WWTR1: variants seen among roughly 807,000 people sequenced by gnomAD.
The protein encoded by WWTR1 is WW domain-containing transcription regulator protein 1.
A neutral mutation model predicts 40.1 loss-of-function variants in WWTR1; 13 were observed. The ratio of observed to expected loss-of-function variants is 0.32; its 90% CI spans 0.21 to 0.52. WWTR1 has a LOEUF of 0.52. Among genes scored for constraint, WWTR1 ranks in the 20% least tolerant of loss-of-function variants. The probability of loss-of-function intolerance (pLI) is 0.97; values close to 1 mark genes in which losing one functional copy is unlikely to be tolerated. For synonymous variants in WWTR1, 230 were observed against 210.1 expected (o/e 1.09, Z -0.82); for missense variants, 436 against 523.1 (o/e 0.83, Z 1.63).
In WWTR1 at chr3:149,520,915, G is replaced by C. The variant is rs752315927; in HGVS notation, c.1093C>G (p.Pro365Ala). ...TRFPDFLDCL[P>A]GTNVDLGTLE... is the part of the protein sequence containing the mutation. Reference sequence around the variant, plus strand: ...GTTCCTAAGTCAACGTTTGTTCCTGGAAGACAGTCAAGGAAATCAGGGAAA... The same window carrying C: ...GTTCCTAAGTCAACGTTTGTTCCTGCAAGACAGTCAAGGAAATCAGGGAAA... Residue 365 changes from proline (P) to alanine (A), a missense_variant, in exon 7 of 7, where the codon CCA becomes GCA. Pro to Ala is a conservative substitution (Grantham distance 27). Transcript: ENST00000360632. The C allele has an allele frequency of 6.2e-7, 1 of 1,613,530 alleles. No homozygotes were observed. Among genetic ancestry groups the C allele is most frequent in the Admixed American group, 1.7e-5 (1 of 59,928 alleles).
chr3:149,521,762 G>T (rs1735055403), intron 6 of WWTR1, among the ~76,000 whole-genome samples: 1 of 152,192 alleles, frequency 6.6e-6, no homozygotes. Context: ...GGTTCTTTAT[G>T]TGTCATAGTA....
rs755097979 is a variant in WWTR1 at position 149,542,461 on chromosome 3, G to C, written c.645C>G (p.Pro215=). Residue 215 remains proline, a synonymous_variant, in exon 4 of 7, where the codon CCC becomes CCG. Transcript: ENST00000360632. ...CATTGGGCATACTCATGAGCCCTGC[G>C]GGTGGGTTCTGAGTGGGGTGGTTCT... ...SQQNHPTQNP[P]AGLMSMPNAL... is the part of the protein sequence containing the mutation. 1.2e-6 allele frequency: 2 copies of C among 1,614,118 alleles called. No homozygotes were observed. The highest frequency in any genetic ancestry group is 8.5e-7 in the Non-Finnish European group (1 of 1,179,996).
intron 2 of WWTR1, among the ~76,000 whole-genome samples, chr3:149,630,711 T>TA: frequency 6.6e-6 from 1 of 152,192 alleles, no homozygotes. Context: ...ATGCCTAAGG[T>TA]AATGAGAACG....
Position 149,643,477 on chromosome 3 carries a change from G to A in WWTR1, c.431+13399C>T, listed in dbSNP as rs561376161. Among the ~76,000 whole-genome samples, 6 of 152,110 alleles carry A rather than the reference G, an allele frequency of 3.9e-5. No individual in the cohort carries two copies. In the South Asian group the frequency reaches 1.0e-3, roughly 26 times the overall value. ...ATCAATTAGAGTCATGTTTTTACCC[G>A]AGTCTTATAACTTAGCTCAGTTAGT... On this transcript the variant is annotated intron_variant, in intron 2 of 6. Transcript: ENST00000360632.
At chr3:149,534,576 A>G (rs1388086159) in intron 4 of WWTR1, among the ~76,000 whole-genome samples, 2 of 152,224 alleles carry the variant, frequency 1.3e-5, no homozygotes, top group African/African-American at 4.8e-5. Context: ...AACGTATATG[A>G]GTGGAGCTCA....
chr3:149,659,317 C>CGTATT (rs1164042960), upstream of WWTR1: 2 of 139,734 alleles, frequency 1.4e-5, no homozygotes, highest in Non-Finnish European at 3.0e-5. Context: ...TTCAAGTTCA[C>CGTATT]GTATTGTGCC....
chr3:149,680,559 ACC>A lies in WWTR1; in HGVS notation c.-107-10670_-107-10669del, dbSNP rs1491270904. ...ACCCTGTCTCAAAAAAAACCAACCA[ACC>A]AAACAAACAAACAAACAAAAAAACG... On this transcript the variant is annotated intron_variant, in intron 1 of 7. Coordinates refer to the WWTR1 transcript ENST00000465804. Among the ~76,000 whole-genome samples, 3 of 135,238 alleles carry A rather than the reference ACC, an allele frequency of 2.2e-5. No individual in the cohort carries two copies. The East Asian group carries it at 6.6e-4, about 30-fold the overall frequency. 88.7% of individuals were successfully genotyped at this position (135,238 alleles called of 152,430 possible).
intron 3 of WWTR1, among the ~76,000 whole-genome samples, chr3:149,546,050 T>C (rs1158213797): frequency 6.6e-6 from 1 of 152,176 alleles, no homozygotes; most frequent in Admixed American, 6.5e-5. Context: ...TGAATCCTAA[T>C]CTGGAGGAGT....
intron 1 of WWTR1, among the ~76,000 whole-genome samples, chr3:149,684,220 C>T (rs921934277): frequency 1.3e-5 from 2 of 151,948 alleles, no homozygotes; most frequent in East Asian, 3.9e-4. Flanking sequence ...CAGGGTCTCG[C>T]TATGTTGCCC....
At chr3:149,528,215 A>C (rs1735421207) in intron 4 of WWTR1, among the ~76,000 whole-genome samples, 1 of 152,222 alleles carries the variant, frequency 6.6e-6, no homozygotes. Context: ...TTAATGTTGC[A>C]ATCATCCCAC....
intron 1 of WWTR1, among the ~76,000 whole-genome samples, chr3:149,682,315 C>A (rs2108204837): frequency 6.6e-6 from 1 of 152,224 alleles, no homozygotes; most frequent in East Asian, 1.9e-4. Context: ...AAACTGTCAT[C>A]CCTAAAGTCA....
chr3:149,700,463 T>C (rs1160003587), intron 1 of WWTR1, among the ~76,000 whole-genome samples: 2 of 152,188 alleles, frequency 1.3e-5, no homozygotes, highest in Non-Finnish European at 2.9e-5. Flanking sequence ...CCACTACTAA[T>C]TAGTTATTTG....
At chr3:149,584,517 C>A (rs1176202828) in intron 2 of WWTR1, among the ~76,000 whole-genome samples, 5 of 152,186 alleles carry the variant, frequency 3.3e-5, no homozygotes, top group African/African-American at 1.2e-4. Context: ...GAGTGAGGTT[C>A]CCATTTTGCA....
intron 2 of WWTR1, among the ~76,000 whole-genome samples, chr3:149,612,636 T>C (rs1466618115): frequency 2.0e-5 from 3 of 152,218 alleles, no homozygotes; most frequent in Non-Finnish European, 4.4e-5. Flanking sequence ...GTACTTCCTA[T>C]GCAGGAGGAT....
At chr3:149,699,063 G>T (rs551050573) in intron 1 of WWTR1, among the ~76,000 whole-genome samples, 6 of 152,300 alleles carry the variant, frequency 3.9e-5, no homozygotes, top group African/African-American at 1.2e-4. Context: ...TGGTTATTCT[G>T]CAGCCTGCTT....
intron 2 of WWTR1, among the ~76,000 whole-genome samples, chr3:149,607,179 T>C (rs1431289738): frequency 1.3e-5 from 2 of 152,238 alleles, no homozygotes; most frequent in Non-Finnish European, 2.9e-5. Flanking sequence ...TATTCATCTT[T>C]TTTAGTATTC....
rs1414847098 is a variant in WWTR1 at position 149,520,176 on chromosome 3, G to T, written c.*629C>A. The T allele has an allele frequency of 6.6e-6, 1 of 152,158 alleles. No individual in the cohort carries two copies. Among genetic ancestry groups the T allele is most frequent in the Non-Finnish European group, 1.5e-5 (1 of 68,036 alleles). The allele number at this position is 152,158 out of a possible 1,614,324, so 9.4% of individuals were successfully genotyped here. On this transcript the variant is annotated 3_prime_UTR_variant, in exon 7 of 7. Transcript: ENST00000360632. ...TCTAGATGCTCTGCAGTAAAATAACGAAAGATAAGCTACAATAGGACTGTG... is the reference window on the plus strand; with the variant it reads ...TCTAGATGCTCTGCAGTAAAATAACTAAAGATAAGCTACAATAGGACTGTG...
intron 2 of WWTR1, among the ~76,000 whole-genome samples, chr3:149,621,732 C>A (rs1057161898): frequency 6.6e-6 from 1 of 152,160 alleles, no homozygotes; most frequent in Non-Finnish European, 1.5e-5. Context: ...TAAATAACTA[C>A]ATATGTTTTA....
At chr3:149,635,229 T>C (rs560984712) in intron 2 of WWTR1, among the ~76,000 whole-genome samples, 13 of 152,336 alleles carry the variant, frequency 8.5e-5, no homozygotes, top group Middle Eastern at 3.4e-3. Flanking sequence ...TTTTTAGTAA[T>C]TGGACTTGTT....
Sources: gnomAD v4.1 joint callset for allele counts (sites outside exome capture counted in the v4.1 genomes callset) on GRCh38, gnomAD v4.1.1 for gene constraint, MANE v1.5 for transcripts, NCBI Gene and HGNC (gene_info 2026-07-23, HGNC 2026-07-21) for gene names.